The following GABRG3 variants were observed in gnomAD, a reference collection of about 807,000 sequenced individuals.
GABRG3 encodes the protein gamma-aminobutyric acid type A receptor subunit gamma3, also known as gamma-aminobutyric acid receptor subunit gamma-3.
A neutral mutation model predicts 48.8 loss-of-function variants in GABRG3; 25 were observed. The observed-to-expected ratio is 0.51, with a 90% CI of 0.37 to 0.72. The LOEUF (loss-of-function observed/expected upper bound fraction) is 0.72. GABRG3 is among the 30% of genes least tolerant of loss of function. The pLI is 0.00. For missense variants in GABRG3, 394 were observed against 577.9 expected, an observed-to-expected ratio of 0.68 and a Z score of 3.26; for synonymous variants, 227 against 217.6, an observed-to-expected ratio of 1.04 and a Z score of -0.38.
At chr15:27,015,828 A>G (rs1895769189) in intron 2 of GABRG3, among the ~76,000 whole-genome samples, 1 of 152,172 alleles carries the variant, frequency 6.6e-6, no homozygotes, top group Non-Finnish European at 1.5e-5. Flanking sequence ...GCATATAAAA[A>G]TTATATTTCT....
chr15:27,432,537 C>A (rs1888487463), intron 5 of GABRG3, among the ~76,000 whole-genome samples: 1 of 152,164 alleles, frequency 6.6e-6, no homozygotes, highest in African/African-American at 2.4e-5. Flanking sequence ...GCCTGATCAC[C>A]TCAGAGAGGC....
At chr15:27,165,777 G>A (rs773539298) in intron 3 of GABRG3, among the ~76,000 whole-genome samples, 95 of 152,136 alleles carry the variant, frequency 6.2e-4, no homozygotes, top group Non-Finnish European at 1.0e-3. Flanking sequence ...GGCCAGCAGA[G>A]GATGCTATTG....
At chr15:27,222,395 C>A (rs1193771710) in intron 3 of GABRG3, among the ~76,000 whole-genome samples, 1 of 152,322 alleles carries the variant, frequency 6.6e-6, no homozygotes, top group South Asian at 2.1e-4. Flanking sequence ...TAAGTATTAC[C>A]TATAATTACT....
chr15:27,277,711 G>T (rs1778473843), intron 3 of GABRG3, among the ~76,000 whole-genome samples: 1 of 152,178 alleles, frequency 6.6e-6, no homozygotes, highest in Middle Eastern at 3.4e-3. Context: ...GATTACAAAA[G>T]ACTTTGACCT....
chr15:27,490,926 C>T (rs1308199217), intron 6 of GABRG3, among the ~76,000 whole-genome samples: 1 of 151,058 alleles, frequency 6.6e-6, no homozygotes, highest in Non-Finnish European at 1.5e-5. Context: ...GCTCTTGCCG[C>T]ATTTCTGTGG....
At chr15:27,203,570 T>C (rs147443537) in intron 3 of GABRG3, among the ~76,000 whole-genome samples, 63 of 152,274 alleles carry the variant, frequency 4.1e-4, no homozygotes, top group African/African-American at 1.3e-3. Context: ...GTAATGGGAT[T>C]GTTGGGTCGA....
intron 5 of GABRG3, among the ~76,000 whole-genome samples, chr15:27,378,297 G>A (rs923959603): frequency 1.1e-4 from 16 of 152,232 alleles, no homozygotes; most frequent in Admixed American, 6.5e-4. Flanking sequence ...TCCCTTCACA[G>A]CTTTCCCCAA....
intron 5 of GABRG3, among the ~76,000 whole-genome samples, chr15:27,395,329 C>T (rs1021562892): frequency 1.3e-5 from 2 of 152,174 alleles, no homozygotes; most frequent in Non-Finnish European, 2.9e-5. Context: ...TAATTTCTAT[C>T]TTTTTATTGC....
chr15:27,230,691 A>C (rs1415021590), intron 3 of GABRG3, among the ~76,000 whole-genome samples: 1 of 151,928 alleles, frequency 6.6e-6, no homozygotes, highest in East Asian at 1.9e-4. Flanking sequence ...TAATTACCCC[A>C]CCCTCTTTGG....
chr15:27,186,353 A>T (rs1455078053), intron 3 of GABRG3, among the ~76,000 whole-genome samples: 1 of 152,072 alleles, frequency 6.6e-6, no homozygotes, highest in South Asian at 2.1e-4. Context: ...ATTATTTTTT[A>T]TGGTTGCATA....
chr15:26,988,677 T>C (rs1270540295), intron 2 of GABRG3, among the ~76,000 whole-genome samples: 1 of 152,138 alleles, frequency 6.6e-6, no homozygotes, highest in African/African-American at 2.4e-5. Flanking sequence ...TTTCAGTTTA[T>C]GATCTTTTTA....
chr15:27,480,125 C>T (rs947756217), intron 5 of GABRG3, among the ~76,000 whole-genome samples: 4 of 152,166 alleles, frequency 2.6e-5, no homozygotes, highest in Non-Finnish European at 4.4e-5. Context: ...AGAAGGGGTC[C>T]CTGAAGCAGG....
intron 3 of GABRG3, among the ~76,000 whole-genome samples, chr15:27,210,997 G>A (rs1005063898): frequency 2.6e-5 from 4 of 152,194 alleles, no homozygotes; most frequent in Non-Finnish European, 5.9e-5. Flanking sequence ...AAAAGAGGGG[G>A]TAGAGAAATA....
chr15:27,011,598 A>G (rs1895687694), intron 2 of GABRG3, among the ~76,000 whole-genome samples: 1 of 152,184 alleles, frequency 6.6e-6, no homozygotes, highest in Non-Finnish European at 1.5e-5. Context: ...CTGTAATCCC[A>G]GCACTTTGGG....
chr15:27,351,113 TGTGTGTATGGTGC>T (rs1447696599), intron 5 of GABRG3, among the ~76,000 whole-genome samples: 8 of 149,842 alleles, frequency 5.3e-5, no homozygotes, highest in Non-Finnish European at 7.4e-5. Context: ...GTGTATGGTG[TGTGTGTATGGTGC>T]GTGTGTTTGA....
intron 5 of GABRG3, among the ~76,000 whole-genome samples, chr15:27,448,489 C>T (rs922099977): frequency 1.3e-5 from 2 of 152,154 alleles, no homozygotes; most frequent in African/African-American, 2.4e-5. Context: ...AATATGAGCA[C>T]ACTTACGTGG....
At chr15:27,071,335 C>T (rs544382629) in intron 3 of GABRG3, among the ~76,000 whole-genome samples, 2 of 152,296 alleles carry the variant, frequency 1.3e-5, no homozygotes, top group South Asian at 2.1e-4. Context: ...TGAGTCCAGT[C>T]GCCTCGGACA....
chr15:27,430,106 G>A (rs1305565846), intron 5 of GABRG3, among the ~76,000 whole-genome samples: 1 of 152,198 alleles, frequency 6.6e-6, no homozygotes, highest in East Asian at 1.9e-4. Flanking sequence ...TGAGTGTGCA[G>A]TGGTATTTAT....
At chr15:27,095,440 A>G (rs1595521485) in intron 3 of GABRG3, among the ~76,000 whole-genome samples, 1 of 152,158 alleles carries the variant, frequency 6.6e-6, no homozygotes, top group African/African-American at 2.4e-5. Context: ...TTCTCATCAC[A>G]GTGATTTCCC....
Sources: allele counts gnomAD v4.1 joint callset (sites outside exome capture counted in the v4.1 genomes callset), GRCh38; gene constraint gnomAD v4.1.1; transcripts MANE v1.5; gene names NCBI Gene and HGNC (gene_info 2026-07-23, HGNC 2026-07-21).